WWOX: variants seen among roughly 807,000 people sequenced by gnomAD.
The protein encoded by WWOX is WW domain-containing oxidoreductase.
A neutral mutation model predicts 46.2 loss-of-function variants in WWOX; 69 were observed. That is an observed-to-expected ratio of 1.49 (90% confidence interval 1.23 to 1.82). The LOEUF (loss-of-function observed/expected upper bound fraction) is 1.82. Among genes scored for constraint, WWOX ranks in the 40% most tolerant of loss-of-function variants. WWOX has a pLI of 0.00. For synonymous variants in WWOX, 359 were observed against 202.6 expected (o/e 1.77, Z -6.56); for missense variants, 919 against 542.6 (o/e 1.69, Z -6.89).
At chr16:78,169,200 C>T (rs754870406) in intron 5 of WWOX, among the ~76,000 whole-genome samples, 5 of 152,148 alleles carry the variant, frequency 3.3e-5, no homozygotes, top group Non-Finnish European at 5.9e-5. Flanking sequence ...CTATCGTTTT[C>T]CTGTGTATTC....
chr16:78,595,692 C>G (rs143235687), intron 8 of WWOX, among the ~76,000 whole-genome samples: 2,355 of 152,302 alleles, frequency 0.015, 54 homozygotes, highest in African/African-American at 0.053. Flanking sequence ...CCTCAGATAG[C>G]TGCTGGCAGA....
At chr16:79,178,580 G>C (rs1048638484) in intron 8 of WWOX, among the ~76,000 whole-genome samples, 5 of 152,124 alleles carry the variant, frequency 3.3e-5, no homozygotes, top group Admixed American at 6.5e-5. Context: ...ACCTCTCAAA[G>C]TGCTAGAATT....
At chr16:78,764,257 C>T (rs1597571173) in intron 8 of WWOX, among the ~76,000 whole-genome samples, 1 of 151,766 alleles carries the variant, frequency 6.6e-6, no homozygotes, top group African/African-American at 2.4e-5. Flanking sequence ...CGCCTTCCTG[C>T]CAGAATTTCT....
intron 8 of WWOX, among the ~76,000 whole-genome samples, chr16:78,524,724 T>A (rs2151503261): frequency 6.6e-6 from 1 of 152,020 alleles, no homozygotes; most frequent in Admixed American, 6.6e-5. Context: ...CAGCCTGTAT[T>A]TATCTTTTTA....
chr16:78,524,525 ATTC>A (rs2043417495), intron 8 of WWOX, among the ~76,000 whole-genome samples: 1 of 151,818 alleles, frequency 6.6e-6, no homozygotes, highest in African/African-American at 2.4e-5. Flanking sequence ...TGTCCAAGTG[ATTC>A]TTCTACCTCA....
At chr16:78,904,994 A>C (rs1227603302) in intron 8 of WWOX, among the ~76,000 whole-genome samples, 1 of 152,136 alleles carries the variant, frequency 6.6e-6, no homozygotes, top group African/African-American at 2.4e-5. Context: ...ACCTCATCCT[A>C]TAGTGTTATT....
At chr16:78,322,230 C>A (rs151259948) in intron 5 of WWOX, among the ~76,000 whole-genome samples, 1 of 152,086 alleles carries the variant, frequency 6.6e-6, no homozygotes, top group African/African-American at 2.4e-5. Flanking sequence ...TTTGTTAATG[C>A]TGATTATATA....
chr16:79,053,443 T>A (rs900700528), intron 8 of WWOX, among the ~76,000 whole-genome samples: 1 of 152,188 alleles, frequency 6.6e-6, no homozygotes, highest in African/African-American at 2.4e-5. Context: ...GAATATCCAA[T>A]TCAATTTGTA....
In WWOX at chr16:78,111,241, C is replaced by T. The variant is rs937536999; in HGVS notation, c.230+1406C>T. ...CGAGGCAAGAGACTGAAGGCACAAA[C>T]TGTTTCAGTATAATAAAGAAAGTAG... On this transcript the variant is annotated intron_variant, in intron 3 of 8. Coordinates refer to ENST00000566780, the MANE Select transcript of WWOX (RefSeq NM_016373.4). 2.0e-5 allele frequency among the ~76,000 whole-genome samples: 3 copies of T among 152,208 alleles called. 1 individual carries two copies. The South Asian group carries it at 6.2e-4, about 32-fold the overall frequency.
At chr16:78,394,530 A>G (rs927998021) in intron 6 of WWOX, among the ~76,000 whole-genome samples, 2 of 152,198 alleles carry the variant, frequency 1.3e-5, no homozygotes, top group Admixed American at 1.3e-4. Flanking sequence ...GTCTTTTTAT[A>G]TAATACTTAG....
chr16:78,402,668 C>G (rs146173928), intron 6 of WWOX, among the ~76,000 whole-genome samples: 3 of 152,110 alleles, frequency 2.0e-5, no homozygotes, highest in Non-Finnish European at 4.4e-5. Context: ...TACAAGTCCA[C>G]GATCAAAGCC....
chr16:78,913,656 TAC>T (rs1197985885), intron 8 of WWOX, among the ~76,000 whole-genome samples: 1 of 148,788 alleles, frequency 6.7e-6, no homozygotes, highest in Admixed American at 6.7e-5. Flanking sequence ...CTCATACTGC[TAC>T]AGTTTTTTTT....
intron 8 of WWOX, among the ~76,000 whole-genome samples, chr16:78,558,490 G>C (rs2044358928): frequency 6.6e-6 from 1 of 152,250 alleles, no homozygotes; most frequent in Non-Finnish European, 1.5e-5. Flanking sequence ...GGCTGGACTT[G>C]AGCAGCGGCT....
chr16:79,133,226 A>G (rs1031605668), intron 8 of WWOX, among the ~76,000 whole-genome samples: 1 of 152,172 alleles, frequency 6.6e-6, no homozygotes, highest in South Asian at 2.1e-4. Flanking sequence ...AATGAAACGC[A>G]TTTCATGGTT....
At chr16:78,488,428 T>G (rs1314390778) in intron 8 of WWOX, among the ~76,000 whole-genome samples, 1 of 152,058 alleles carries the variant, frequency 6.6e-6, no homozygotes, top group African/African-American at 2.4e-5. Flanking sequence ...CCTGAGCCCT[T>G]TTTTAGGACC....
In WWOX at chr16:78,909,889, C is replaced by T; in HGVS notation, c.1057-301719C>T. On this transcript the variant is annotated intron_variant, in intron 8 of 8. Transcript: ENST00000566780. ...CATTGCATGCTTATTCCTTAGGCAT[C>T]CGTTTAGCAAAATAAGATGTCAAGC... 1.3e-5 allele frequency among the ~76,000 whole-genome samples: 2 copies of T among 152,170 alleles called. 1 individual carries two copies. Among genetic ancestry groups the T allele is most frequent in the East Asian group, 3.9e-4 (2 of 5,188 alleles).
intron 8 of WWOX, among the ~76,000 whole-genome samples, chr16:78,813,856 G>T (rs1009977336): frequency 4.6e-5 from 7 of 151,980 alleles, no homozygotes; most frequent in African/African-American, 1.5e-4. Flanking sequence ...CAGGCGGTCA[G>T]CACATTTAGC....
intron 5 of WWOX, among the ~76,000 whole-genome samples, chr16:78,334,778 G>T (rs1019362669): frequency 3.4e-5 from 5 of 144,974 alleles, no homozygotes; most frequent in African/African-American, 1.3e-4. Context: ...CAGGAAAATG[G>T]GAAAGTCTCC....
chr16:78,626,921 A>G (rs866983331), intron 8 of WWOX, among the ~76,000 whole-genome samples: 5 of 152,164 alleles, frequency 3.3e-5, no homozygotes, highest in African/African-American at 4.8e-5. Context: ...TTGGTCTTCA[A>G]AAGTTGCTGC....
Sources: gnomAD v4.1 joint callset for allele counts (sites outside exome capture counted in the v4.1 genomes callset) on GRCh38, gnomAD v4.1.1 for gene constraint, MANE v1.5 for transcripts, NCBI Gene and HGNC (gene_info 2026-07-23, HGNC 2026-07-21) for gene names.